Variants in KMT2B observed in about 807,000 individuals in gnomAD.
KMT2B encodes the protein lysine methyltransferase 2B, also known as histone-lysine N-methyltransferase 2B.
KMT2B carries 22 observed loss-of-function variants against 255.3 expected under a neutral mutation model. The ratio of observed to expected loss-of-function variants is 0.09; its 90% CI spans 0.06 to 0.12. The LOEUF (loss-of-function observed/expected upper bound fraction) is 0.12, where lower values mean the gene tolerates loss of function less well. Ranked by LOEUF, KMT2B falls within the 10% of genes least tolerant of loss-of-function variation. The pLI, the probability that KMT2B is intolerant of heterozygous loss-of-function variation, is 1.00. For synonymous variants in KMT2B, 1,730 were observed against 1,498.1 expected (o/e 1.15, Z -3.57); for missense variants, 3,149 against 3,737.0 (o/e 0.84, Z 4.10).
Position 35,722,614 on chromosome 19 carries a change from G to A in KMT2B, c.2618G>A (p.Arg873His), listed in dbSNP as rs770865375. Residue 873 changes from arginine (R) to histidine (H), a missense_variant, in exon 5 of 37, where the codon CGT becomes CAT. Arg to His is a conservative substitution (Grantham distance 29). Coordinates refer to ENST00000420124, the MANE Select transcript of KMT2B (RefSeq NM_014727.3). Reference protein sequence around the residue: ...VQGPRIKHVCRHAAVALGQAR... With the variant: ...VQGPRIKHVCHHAAVALGQAR... Reference sequence around the variant, plus strand: ...GGTCCCCGCATCAAACATGTCTGCCGTCATGCTGCTGTGGCCCTGGGTCAG... The same window carrying A: ...GGTCCCCGCATCAAACATGTCTGCCATCATGCTGCTGTGGCCCTGGGTCAG... 8.1e-6 allele frequency: 13 copies of A among 1,611,886 alleles called. No homozygotes were observed. Among genetic ancestry groups the A allele is most frequent in the Admixed American group, 5.0e-5 (3 of 59,794 alleles).
In KMT2B at chr19:35,727,917, C is replaced by A; in HGVS notation, c.4429C>A (p.Arg1477=). The A allele has an allele frequency of 6.2e-7, 1 of 1,600,438 alleles. No homozygotes were observed. Among genetic ancestry groups the A allele is most frequent in the Non-Finnish European group, 8.5e-7 (1 of 1,171,768 alleles). ...GGAGGACATGGTGGGCATCCTCATG[C>A]GGCACTCGGAGGAGGGAGAGACCCC... The part of the protein sequence containing the change: ...FMEDMVGILM[R]HSEEGETPDR... Residue 1477 remains arginine, a synonymous_variant, in exon 18 of 37, where the codon CGG becomes AGG. Transcript: ENST00000420124. This position sits in a 1 kb window ranked among gnomAD's most constrained non-coding sequence, Gnocchi z 4.2.
In KMT2B at chr19:35,723,069, G is replaced by A. The variant is rs1344249067; in HGVS notation, c.2797G>A (p.Gly933Arg). 1.2e-6 allele frequency: 2 copies of A among 1,613,062 alleles called. No homozygotes were observed. The highest frequency in any genetic ancestry group is 1.7e-6 in the Non-Finnish European group (2 of 1,179,766). ...RRGKVEAAGP[G>R]GESEPTGSGG... is the part of the protein sequence containing the mutation. ...GGGAAAGGTGGAGGCAGCAGGCCCT[G>A]GGGGAGAATCAGAGCCCACAGGTTC... The change falls in exon 6 of 37, where the codon GGG (glycine) becomes AGG (arginine). Residue 933 changes from glycine (G) to arginine (R), a missense_variant. Physicochemically the swap from Gly to Arg is moderately radical, Grantham distance 125. This residue lies in a region of KMT2B where 132 missense variants were observed against 174.7 expected (regional missense o/e 0.76). Coordinates refer to ENST00000420124, the MANE Select transcript of KMT2B (RefSeq NM_014727.3). This position sits in a 1 kb window ranked among gnomAD's most constrained non-coding sequence, Gnocchi z 7.5.
Position 35,720,876 on chromosome 19 carries a change from G to T in KMT2B, c.1529G>T (p.Ser510Ile). The part of the protein sequence containing the change: ...STATGGPPED[S>I]PTVAPKSTTF... ...GCCACGGGAGGCCCTCCGGAAGACAGTCCCACCGTGGCCCCCAAAAGCACC... is the reference window on the plus strand; with the variant it reads ...GCCACGGGAGGCCCTCCGGAAGACATTCCCACCGTGGCCCCCAAAAGCACC... Residue 510 changes from serine to isoleucine, a missense_variant, in exon 3 of 37, where the codon AGT (serine) becomes ATT (isoleucine). Transcript: ENST00000420124. 1.9e-6 allele frequency: 3 copies of T among 1,594,854 alleles called. No individual in the cohort carries two copies. Among genetic ancestry groups the T allele is most frequent in the Non-Finnish European group, 1.7e-6 (2 of 1,171,462 alleles).
rs983029059 is a variant in KMT2B at position 35,727,304 on chromosome 19, C to T, written c.4117+35C>T. 1 of 1,588,702 alleles carries T rather than the reference C, an allele frequency of 6.3e-7. No individual in the cohort carries two copies. The highest frequency in any genetic ancestry group is 1.3e-5 in the African/African-American group (1 of 74,478). On this transcript the variant is annotated intron_variant, in intron 15 of 36. Transcript: ENST00000420124. This position sits in a 1 kb window ranked among gnomAD's most constrained non-coding sequence, Gnocchi z 4.2. ...TGGAGCACCTGGGCTGCAGCCTCAA[C>T]CCTGTGGGGACCCCTGCCCCCACCA...
Position 35,719,479 on chromosome 19 carries a change from G to T in KMT2B, c.374G>T (p.Gly125Val). Residue 125 changes from glycine to valine, a missense_variant, in exon 2 of 37, where the codon GGT (glycine) becomes GTT (valine). Physicochemically the swap from Gly to Val is moderately radical, Grantham distance 109 (BLOSUM62 -3). This residue lies in a region of KMT2B where 1,188 missense variants were observed against 1,106.4 expected (regional missense o/e 1.07). Transcript: ENST00000420124. ...GGTCCCCTAAATCAGGAGTTTCAGG[G>T]TTTTCATTCAGATGAAGATGTGGCC... ...DGESDEEEFQ[G>V]FHSDEDVAPS... is the part of the protein sequence containing the mutation. The T allele has an allele frequency of 6.3e-7, 1 of 1,585,694 alleles. No individual in the cohort carries two copies. Among genetic ancestry groups the T allele is most frequent in the Non-Finnish European group, 8.6e-7 (1 of 1,166,086 alleles).
chr19:35,733,868 T>C lies in KMT2B; in HGVS notation c.7155T>C (p.Tyr2385=). The part of the protein sequence containing the change: ...DLLLESQWHH[Y]SGEASSSEEE... ...TGCTTGAGTCCCAGTGGCACCACTA[T>C]TCAGGTAGGGACCGGCCTTGCCCTC... is the stretch of plus-strand genomic sequence containing the variant. The change falls in exon 30 of 37, where the codon TAT becomes TAC. Residue 2385 remains tyrosine (Y), a synonymous_variant. Transcript: ENST00000420124. The surrounding 1 kb of genome is among the most constrained non-coding windows in gnomAD (Gnocchi z 4.3). 6.2e-7 allele frequency: 1 copy of C among 1,610,772 alleles called. No individual in the cohort carries two copies. Among genetic ancestry groups the C allele is most frequent in the South Asian group, 1.1e-5 (1 of 90,976 alleles).
Position 35,720,757 on chromosome 19 carries a change from C to A in KMT2B, c.1410C>A (p.Gly470=). Residue 470 remains glycine, a synonymous_variant, in exon 3 of 37, where the codon GGC becomes GGA. Transcript: ENST00000420124. ...VVPATCSRKR[G]RPPLTPSQRA... is the part of the protein sequence containing the mutation. The stretch of plus-strand genomic sequence containing the variant: ...CAGCTACGTGCTCCAGGAAGAGGGG[C>A]CGGCCTCCCCTGACTCCCAGCCAGC... 6.8e-7 allele frequency: 1 copy of A among 1,474,106 alleles called. No homozygotes were observed. Among genetic ancestry groups the A allele is most frequent in the Non-Finnish European group, 9.0e-7 (1 of 1,111,032 alleles). 91.3% of individuals were successfully genotyped at this position (1,474,106 alleles called of 1,614,324 possible). A position where few individuals can be genotyped will look rare whatever the true frequency, so the allele number is the denominator to read the frequency against.
rs752320445 is a variant in KMT2B, at chr19:35,726,319, C to T, written c.3969C>T (p.Ser1323=). 15 of 1,613,564 alleles carry T rather than the reference C, an allele frequency of 9.3e-6. No homozygotes were observed. The highest frequency in any genetic ancestry group is 3.3e-5 in the Admixed American group (2 of 59,998). Residue 1323 remains serine, a synonymous_variant, in exon 14 of 37, where the codon AGC becomes AGT. Coordinates refer to ENST00000420124, the MANE Select transcript of KMT2B (RefSeq NM_014727.3). ...NWDVEWSGDY[S]LCPRCTQLYE... is the part of the protein sequence containing the mutation. ...ACGTCGAGTGGTCTGGAGATTACAG[C>T]CTCTGCCCCAGGTGCACCCAGCTAT...
At chr19:35,731,676 G>A (rs1568379726) in intron 26 of KMT2B, among the ~76,000 whole-genome samples, 1 of 152,208 alleles carries the variant, frequency 6.6e-6, no homozygotes, top group Non-Finnish European at 1.5e-5. Flanking sequence ...GAGGCAGAGA[G>A]GAGATGGCAA....
Position 35,733,154 on chromosome 19 carries a change from T to C in KMT2B, c.6605T>C (p.Val2202Ala). The C allele has an allele frequency of 6.3e-7, 1 of 1,579,210 alleles. No individual in the cohort carries two copies. The change falls in exon 28 of 37, where the codon GTG (valine) becomes GCG (alanine). Residue 2202 changes from valine (V) to alanine (A), a missense_variant. Physicochemically the swap from Val to Ala is moderately conservative, Grantham distance 64. Around this residue, in one of 18 missense-constraint regions of KMT2B, gnomAD observed 897 missense variants for 825.3 expected, o/e 1.09. Transcript: ENST00000420124. The surrounding 1 kb of genome is among the most constrained non-coding windows in gnomAD (Gnocchi z 4.3). ...ILVNKLGQVFVKMAGEGEPVP... is the reference protein window; with the variant it reads ...ILVNKLGQVFAKMAGEGEPVP... ...GTCAACAAGCTGGGGCAAGTATTTGTGAAGATGGCTGGGGAGGGTGAACCT... is the reference window on the plus strand; with the variant it reads ...GTCAACAAGCTGGGGCAAGTATTTGCGAAGATGGCTGGGGAGGGTGAACCT...
In KMT2B at chr19:35,726,362, C is replaced by T. The variant is rs568083838; in HGVS notation, c.4003+9C>T. Reference sequence around the variant, plus strand: ...CCAGCTATATGAGAAAGGTGGGGACCGGGCAGGGGAACTGGATGCTGGGGG... The same window carrying T: ...CCAGCTATATGAGAAAGGTGGGGACTGGGCAGGGGAACTGGATGCTGGGGG... On this transcript the variant is annotated intron_variant, in intron 14 of 36. Transcript: ENST00000420124. The T allele has an allele frequency of 8.9e-6, 14 of 1,579,454 alleles. No homozygotes were observed. Among genetic ancestry groups the T allele is most frequent in the African/African-American group, 1.3e-5 (1 of 74,342 alleles).
rs760881374 is a variant in KMT2B at position 35,721,464 on chromosome 19, G to A, written c.2117G>A (p.Arg706Gln). The A allele has an allele frequency of 2.2e-5, 36 of 1,612,488 alleles. No individual in the cohort carries two copies. Among genetic ancestry groups the A allele is most frequent in the Admixed American group, 1.7e-4 (10 of 59,978 alleles). ...CGCACCAACCACCTCAGCCTGCCTC[G>A]ATTCGCCCCTGTGGTCACCACTCCT... ...VGRTNHLSLPRFAPVVTTPVK... is the reference protein window; with the variant it reads ...VGRTNHLSLPQFAPVVTTPVK... The change falls in exon 3 of 37, where the codon CGA (arginine) becomes CAA (glutamine). Residue 706 changes from arginine to glutamine, a missense_variant. Coordinates refer to ENST00000420124, the MANE Select transcript of KMT2B (RefSeq NM_014727.3).
rs768033249 is a variant in KMT2B at position 35,732,570 on chromosome 19, T to G, written c.6021T>G (p.Ile2007Met). ...GGACTGAGCCCTTCCAGGAAGAGAT[T>G]GTAGCCGCTGGGGCCATGGGGAGCA... ...LLGTEPFQEE[I>M]VAAGAMGSSH... Residue 2007 changes from isoleucine (I) to methionine (M), a missense_variant, in exon 28 of 37, where the codon ATT (isoleucine) becomes ATG (methionine). By Grantham distance (10) the Ile-to-Met change is conservative. Transcript: ENST00000420124. 1 of 1,613,466 alleles carries G rather than the reference T, an allele frequency of 6.2e-7. No homozygotes were observed. Among genetic ancestry groups the G allele is most frequent in the South Asian group, 1.1e-5 (1 of 91,082 alleles).
rs758813577 is a variant in KMT2B, at chr19:35,732,358, C to T, written c.5809C>T (p.Pro1937Ser). Residue 1937 changes from proline to serine, a missense_variant, in exon 28 of 37, where the codon CCT becomes TCT. Around this residue, in one of 18 missense-constraint regions of KMT2B, gnomAD observed 897 missense variants for 825.3 expected, o/e 1.09. Coordinates refer to ENST00000420124, the MANE Select transcript of KMT2B (RefSeq NM_014727.3). ...GGCCTCCCCTCCTCTAAAAACCTCC[C>T]CTCAGCTCAGGGTGCCCCCTCCTAC... ...RWASPPLKTS[P>S]QLRVPPPTSV... The T allele has an allele frequency of 5.0e-6, 8 of 1,612,426 alleles. No individual in the cohort carries two copies. In the South Asian group the frequency reaches 5.5e-5, roughly 11 times the overall value.
At position 35,737,450 on chromosome 19, in the gene KMT2B, G is replaced by A; in HGVS notation, c.7551-186G>A. On this transcript the variant is annotated intron_variant, in intron 33 of 36. Coordinates refer to ENST00000420124, the MANE Select transcript of KMT2B (RefSeq NM_014727.3). The surrounding 1 kb of genome is among the most constrained non-coding windows in gnomAD (Gnocchi z 5.3). ...TAATCCCGCCACTTTGGGAGGCCGA[G>A]GCAGGAGGATCGCATGAGCCCAGGA... The A allele has an allele frequency of 2.5e-6, 2 of 793,348 alleles. No individual in the cohort carries two copies. Among genetic ancestry groups the A allele is most frequent in the African/African-American group, 1.7e-5 (1 of 57,476 alleles). 49.1% of individuals were successfully genotyped at this position (793,348 alleles called of 1,614,324 possible). A position where few individuals can be genotyped will look rare whatever the true frequency, so the allele number is the denominator to read the frequency against.
chr19:35,727,438 A>G lies in KMT2B; in HGVS notation c.4118A>G (p.Asp1373Gly). The change falls in exon 16 of 37, where the codon GAT (aspartate) becomes GGT (glycine). Residue 1373 changes from aspartate to glycine, a missense_variant and splice_region_variant. Asp to Gly is a moderately conservative substitution (Grantham distance 94). This residue lies in a region of KMT2B where 377 missense variants were observed against 471.0 expected (regional missense o/e 0.80). Transcript: ENST00000420124. The surrounding 1 kb of genome is among the most constrained non-coding windows in gnomAD (Gnocchi z 4.2). ...TCCCTTTCCCACTTGGCTATCCTAG[A>G]TGAAGACTACGAGATCCTTTCAGGA... ...WVHAKCEGLS[D>G]EDYEILSGLP... 6.2e-7 allele frequency: 1 copy of G among 1,613,252 alleles called. No homozygotes were observed. The highest frequency in any genetic ancestry group is 1.1e-5 in the South Asian group (1 of 91,076).
chr19:35,727,766 G>C lies in KMT2B; in HGVS notation c.4371G>C (p.Glu1457Asp). The C allele has an allele frequency of 1.2e-6, 2 of 1,613,914 alleles. No homozygotes were observed. ...TGCAAGCTGTGAGTCAGCGCTTCGAGGATGGCCACTACAAGTCTGTGGTGA... is the reference window on the plus strand; with the variant it reads ...TGCAAGCTGTGAGTCAGCGCTTCGACGATGGCCACTACAAGTCTGTGGTGA... ...CGLQAVSQRF[E>D]DGHYKSVHSF... The change falls in exon 17 of 37, where the codon GAG becomes GAC. Residue 1457 changes from glutamate to aspartate, a missense_variant. Physicochemically the swap from Glu to Asp is conservative, Grantham distance 45 (BLOSUM62 2). Around this residue, in one of 18 missense-constraint regions of KMT2B, gnomAD observed 377 missense variants for 471.0 expected, o/e 0.80. Coordinates refer to ENST00000420124, the MANE Select transcript of KMT2B (RefSeq NM_014727.3). This position sits in a 1 kb window ranked among gnomAD's most constrained non-coding sequence, Gnocchi z 4.2.
Position 35,733,506 on chromosome 19 carries a change from C to T in KMT2B, c.6957C>T (p.Gly2319=), listed in dbSNP as rs1290436845. 3 of 1,553,686 alleles carry T rather than the reference C, an allele frequency of 1.9e-6. No homozygotes were observed. Among genetic ancestry groups the T allele is most frequent in the East Asian group, 2.4e-5 (1 of 41,082 alleles). The change falls in exon 28 of 37, where the codon GGC becomes GGT. Residue 2319 remains glycine (G), a splice_region_variant and synonymous_variant. Transcript: ENST00000420124. The surrounding 1 kb of genome is among the most constrained non-coding windows in gnomAD (Gnocchi z 4.3). ...CTCAGGTTCCAGGGCTTGGCAGTGG[C>T]GGGTGAGTGCGGGTGCTGAGGCTGG... ...DTPQVPGLGS[G]GFSRVRMKTP... is the part of the protein sequence containing the mutation.
chr19:35,726,499 C>T (rs1286578125), intron 14 of KMT2B, 146 bp downstream of exon 14: 1 of 654,310 alleles, frequency 1.5e-6, no homozygotes, highest in Non-Finnish European at 2.8e-6. Flanking sequence ...AACTCTTCCA[C>T]AGGAGTCCAT....
Sources: gnomAD v4.1 joint callset for allele counts (sites outside exome capture counted in the v4.1 genomes callset) on GRCh38, gnomAD v4.1.1 for gene constraint, gnomAD v4.1.1 regional missense constraint, Gnocchi (gnomAD v3.1) non-coding constraint, MANE v1.5 for transcripts, NCBI Gene and HGNC (gene_info 2026-07-23, HGNC 2026-07-21) for gene names.